The following GNG2 variants were observed in gnomAD, a reference collection of about 807,000 sequenced individuals.
GNG2 encodes guanine nucleotide-binding protein G(I)/G(S)/G(O) subunit gamma-2.
Under a neutral mutation model 5.5 loss-of-function variants are expected in GNG2, and 5 were observed. The ratio of observed to expected loss-of-function variants is 0.91; its 90% CI spans 0.48 to 1.92. GNG2 has a LOEUF of 1.92. Ranked by LOEUF, GNG2 falls within the 30% of genes most tolerant of loss-of-function variation. GNG2 has a pLI of 0.01. For synonymous variants in GNG2, 28 were observed against 32.0 expected (o/e 0.88, Z 0.42); for missense variants, 55 against 88.4 (o/e 0.62, Z 1.52).
intron 2 of GNG2, among the ~76,000 whole-genome samples, chr14:51,926,476 G>A (rs1358930196): frequency 1.3e-5 from 2 of 152,172 alleles, no homozygotes; most frequent in Non-Finnish European, 2.9e-5. Flanking sequence ...GAGTAGGAAG[G>A]CCAGGAACCT....
intron 2 of GNG2, among the ~76,000 whole-genome samples, chr14:51,934,047 A>G (rs949598311): frequency 6.6e-6 from 1 of 152,186 alleles, no homozygotes; most frequent in African/African-American, 2.4e-5. Flanking sequence ...ATAGGTTTAG[A>G]GTTGGATCCG....
intron 3 of GNG2, among the ~76,000 whole-genome samples, chr14:51,951,240 C>T (rs1888959579): frequency 6.6e-6 from 1 of 152,122 alleles, no homozygotes; most frequent in Non-Finnish European, 1.5e-5. Flanking sequence ...CCTGCAAACA[C>T]AAAAGTCACA....
intron 2 of GNG2, among the ~76,000 whole-genome samples, chr14:51,850,605 A>G (rs186708573): frequency 6.6e-6 from 1 of 152,370 alleles, no homozygotes; most frequent in East Asian, 1.9e-4. Context: ...GCATTGCTAT[A>G]AAGAAATATC....
At chr14:51,939,349 G>GT (rs1888186727) in intron 2 of GNG2, among the ~76,000 whole-genome samples, 2 of 152,162 alleles carry the variant, frequency 1.3e-5, no homozygotes, top group African/African-American at 2.4e-5. Context: ...CGAGGACTCT[G>GT]TTTTTTGTCA....
chr14:51,928,251 C>G (rs1379639628), intron 2 of GNG2, among the ~76,000 whole-genome samples: 1 of 151,910 alleles, frequency 6.6e-6, no homozygotes, highest in African/African-American at 2.4e-5. Flanking sequence ...AAGCTGGTCT[C>G]GAACTCCTGA....
chr14:51,939,536 C>T (rs1888198210), intron 2 of GNG2, among the ~76,000 whole-genome samples: 1 of 152,248 alleles, frequency 6.6e-6, no homozygotes, highest in African/African-American at 2.4e-5. Context: ...TCTCCACCCA[C>T]ACAGCATAGA....
intron 2 of GNG2, among the ~76,000 whole-genome samples, chr14:51,938,833 G>C (rs186337060): frequency 4.5e-4 from 69 of 152,318 alleles, no homozygotes; most frequent in Admixed American, 1.9e-3. Flanking sequence ...AGCTCCACCA[G>C]GGTAGTCTCC....
chr14:51,837,308 T>C (rs17831355), intron 2 of GNG2, among the ~76,000 whole-genome samples: 40,374 of 152,174 alleles, frequency 0.27, 6,450 homozygotes, highest in Non-Finnish European at 0.36. Context: ...CAAACACTTA[T>C]TATGAGCAAA....
chr14:51,880,208 T>C (rs1244877111), intron 2 of GNG2, among the ~76,000 whole-genome samples: 1 of 152,222 alleles, frequency 6.6e-6, no homozygotes, highest in Admixed American at 6.5e-5. Context: ...CTTTTGTCAT[T>C]TCTCCAACTC....
At chr14:51,908,261 G>A (rs960634046) in intron 2 of GNG2, among the ~76,000 whole-genome samples, 1 of 152,236 alleles carries the variant, frequency 6.6e-6, no homozygotes, top group African/African-American at 2.4e-5. Context: ...AGCGATCCAA[G>A]AAAGAGGGCC....
At position 51,850,358 on chromosome 14, in the gene GNG2, A is replaced by G. The variant is rs188563892; in HGVS notation, c.64+22551A>G. ...CAATCTTATTTAAAAAACAGCTCTCATGAAAAAAATAAACCCCTCCCTCCT... is the reference window on the plus strand; with the variant it reads ...CAATCTTATTTAAAAAACAGCTCTCGTGAAAAAAATAAACCCCTCCCTCCT... On this transcript the variant is annotated intron_variant, in intron 2 of 3. Transcript: ENST00000553432. Among the ~76,000 whole-genome samples the G allele has an allele frequency of 1.5e-3, 228 of 152,208 alleles. 3 individuals are homozygous for G. Among genetic ancestry groups the G allele is most frequent in the Non-Finnish European group, 4.3e-4 (29 of 68,010 alleles).
chr14:51,889,873 A>G (rs562828622), intron 2 of GNG2, among the ~76,000 whole-genome samples: 1 of 152,308 alleles, frequency 6.6e-6, no homozygotes, highest in African/African-American at 2.4e-5. Flanking sequence ...TTTAAAAATA[A>G]CATGCATTCA....
At chr14:51,841,632 C>A (rs1881485881) in intron 2 of GNG2, 1 of 678,958 alleles carries the variant, frequency 1.5e-6, no homozygotes, top group Non-Finnish European at 2.7e-6. Flanking sequence ...GGAAAGAAAA[C>A]AAGCAAGCAA....
intron 2 of GNG2, among the ~76,000 whole-genome samples, chr14:51,919,830 T>C (rs149988438): frequency 1.6e-3 from 242 of 152,356 alleles, no homozygotes; most frequent in African/African-American, 5.6e-3. Context: ...GGTATAAGTT[T>C]ATTTAACAAA....
Position 51,950,726 on chromosome 14 carries a change from A to G in GNG2, c.48A>G (p.Val16=). The change falls in exon 3 of 4, where the codon GTA becomes GTG. Residue 16 remains valine, a synonymous_variant. Coordinates refer to ENST00000556766, the MANE Select transcript of GNG2 (RefSeq NM_053064.5). ...TASIAQARKL[V]EQLKMEANID... is the part of the protein sequence containing the mutation. ...GCATAGCACAAGCCAGGAAGCTGGTAGAGCAGCTTAAGATGGAAGCCAATA... is the reference window on the plus strand; with the variant it reads ...GCATAGCACAAGCCAGGAAGCTGGTGGAGCAGCTTAAGATGGAAGCCAATA... The G allele has an allele frequency of 6.2e-7, 1 of 1,611,992 alleles. No individual in the cohort carries two copies.
At chr14:51,844,132 A>G (rs923108938) in intron 2 of GNG2, among the ~76,000 whole-genome samples, 6 of 152,210 alleles carry the variant, frequency 3.9e-5, no homozygotes, top group Non-Finnish European at 7.4e-5. Context: ...GAAGACATTC[A>G]ATTTGTTGAG....
At chr14:51,872,815 A>G (rs1883399249) in intron 1 of GNG2, among the ~76,000 whole-genome samples, 2 of 152,212 alleles carry the variant, frequency 1.3e-5, no homozygotes, top group Non-Finnish European at 2.9e-5. Context: ...TCATGTTTGC[A>G]TTTTAAAAAT....
chr14:51,845,351 G>A (rs934153212), intron 2 of GNG2, among the ~76,000 whole-genome samples: 1 of 152,162 alleles, frequency 6.6e-6, no homozygotes, highest in Non-Finnish European at 1.5e-5. Context: ...AATTAGTCAG[G>A]CATGGTGGTG....
At chr14:51,923,198 T>C (rs942560571) in intron 2 of GNG2, among the ~76,000 whole-genome samples, 3 of 152,170 alleles carry the variant, frequency 2.0e-5, no homozygotes, top group African/African-American at 4.8e-5. Flanking sequence ...GATAAGCTGA[T>C]GTGTTGCCCT....
Sources: allele counts gnomAD v4.1 joint callset (sites outside exome capture counted in the v4.1 genomes callset), GRCh38; gene constraint gnomAD v4.1.1; transcripts MANE v1.5; gene names NCBI Gene and HGNC (gene_info 2026-07-23, HGNC 2026-07-21).